The following PLIN5 variants were observed in gnomAD, a reference collection of about 807,000 sequenced individuals.
The protein encoded by PLIN5 is perilipin-5.
Under a neutral mutation model 32.8 loss-of-function variants are expected in PLIN5, and 34 were observed. That is an observed-to-expected ratio of 1.04 (90% confidence interval 0.79 to 1.38). The LOEUF is 1.38. Among genes scored for constraint, PLIN5 ranks in the 40% most tolerant of loss-of-function variants. PLIN5 has a pLI of 0.00. For synonymous variants in PLIN5, 309 were observed against 292.9 expected (o/e 1.05, Z -0.56); for missense variants, 712 against 660.5 (o/e 1.08, Z -0.85).
At chr19:4,530,630 G>C (rs940622966) in intron 3 of PLIN5, among the ~76,000 whole-genome samples, 2 of 152,078 alleles carry the variant, frequency 1.3e-5, no homozygotes, top group African/African-American at 4.8e-5. Context: ...AGAGAGGAGG[G>C]GCCCCACCAG....
chr19:4,529,711 ATCCCTCCC>A (rs750064598), intron 4 of PLIN5, 65 bp downstream of exon 4: 1 of 1,159,786 alleles, frequency 8.6e-7, no homozygotes, highest in Admixed American at 2.0e-5. Flanking sequence ...GGTTGTCACC[ATCCCTCCC>A]TCCCTCCCGC....
Position 4,525,714 on chromosome 19 carries a change from G to A in PLIN5, c.639C>T (p.Tyr213=), listed in dbSNP as rs755578583. Residue 213 remains tyrosine (Y), a synonymous_variant, in exon 6 of 8, where the codon TAC becomes TAT. Coordinates refer to ENST00000381848, the MANE Select transcript of PLIN5 (RefSeq NM_001013706.3). The surrounding 1 kb of genome is among the most constrained non-coding windows in gnomAD (Gnocchi z 5.6). ...SLSARIRHLA[Y]EHSVGKLRQS... ...GCCTCAGTTTCCCCACAGAGTGCTC[G>A]TAGGCCAGGTGGCGGATCCGTGCTG... is the stretch of plus-strand genomic sequence containing the variant. 2.9e-5 allele frequency: 46 copies of A among 1,613,612 alleles called. No homozygotes were observed. Among genetic ancestry groups the A allele is most frequent in the Middle Eastern group, 1.6e-4 (1 of 6,084 alleles).
Position 4,529,764 on chromosome 19 carries a change from T to C in PLIN5, c.339+20A>G, listed in dbSNP as rs1008202703. On this transcript the variant is annotated intron_variant, in intron 4 of 7. Coordinates refer to ENST00000381848, the MANE Select transcript of PLIN5 (RefSeq NM_001013706.3). ...GGCCTGCCCCCACTGGAGGTCCCCATGTCTAGTCGTCCGGGGTACCGTCTC... is the reference window on the plus strand; with the variant it reads ...GGCCTGCCCCCACTGGAGGTCCCCACGTCTAGTCGTCCGGGGTACCGTCTC... The C allele has an allele frequency of 2.6e-6, 4 of 1,550,008 alleles. No homozygotes were observed. Among genetic ancestry groups the C allele is most frequent in the Admixed American group, 1.7e-5 (1 of 58,542 alleles).
At chr19:4,534,136 A>C (rs1976920490) in intron 1 of PLIN5, 41 bp from the exon 2 acceptor site, 4 of 1,545,058 alleles carry the variant, frequency 2.6e-6, no homozygotes, top group Non-Finnish European at 3.5e-6. Flanking sequence ...CTGCCCAGGC[A>C]TCAGATCCTG....
At chr19:4,527,404 T>C (rs1017728858) in intron 5 of PLIN5, among the ~76,000 whole-genome samples, 1 of 151,504 alleles carries the variant, frequency 6.6e-6, no homozygotes, top group Admixed American at 6.6e-5. Context: ...CCAGATGTGG[T>C]GGTGTGCACC....
Position 4,529,562 on chromosome 19 carries a change from T to C in PLIN5, c.339+222A>G, listed in dbSNP as rs368137985. On this transcript the variant is annotated intron_variant, in intron 4 of 7. Coordinates refer to ENST00000381848, the MANE Select transcript of PLIN5 (RefSeq NM_001013706.3). ...CTTATACGTATATATACATATATAC[T>C]TATACGTATATATACATATATACAC... 1.7e-3 allele frequency: 803 copies of C among 478,280 alleles called. 3 individuals are homozygous for C. The African/African-American group carries it at 0.022, about 13-fold the overall frequency. The allele number at this position is 478,280 out of a possible 1,614,324, so 29.6% of individuals were successfully genotyped here. A position where few individuals can be genotyped will look rare whatever the true frequency, so the allele number is the denominator to read the frequency against.
chr19:4,525,604 C>A lies in PLIN5; in HGVS notation c.720+29G>T. On this transcript the variant is annotated intron_variant, in intron 6 of 7. Transcript: ENST00000381848. This position sits in a 1 kb window ranked among gnomAD's most constrained non-coding sequence, Gnocchi z 5.6. ...AATCCATACTGATTGGCCTGCATCC[C>A]GGAGCAGGGGCGGGCAGCGGGCTCT... 2 of 1,608,864 alleles carry A rather than the reference C, an allele frequency of 1.2e-6. No individual in the cohort carries two copies. The highest frequency in any genetic ancestry group is 1.7e-6 in the Non-Finnish European group (2 of 1,179,536).
chr19:4,527,381 A>T (rs762079925), intron 5 of PLIN5, among the ~76,000 whole-genome samples: 8 of 151,658 alleles, frequency 5.3e-5, no homozygotes, highest in South Asian at 2.1e-4. Flanking sequence ...CTAAAAAAAA[A>T]TTTTTAAATC....
chr19:4,534,267 G>A (rs11666660), intron 1 of PLIN5, 172 bp from the exon 2 acceptor site: 51,784 of 614,146 alleles, frequency 0.084, 3,982 homozygotes, highest in African/African-American at 0.31. Flanking sequence ...TGTACACAGA[G>A]GGTGTCCAAT....
At chr19:4,527,769 C>T (rs1438113273) in intron 5 of PLIN5, among the ~76,000 whole-genome samples, 2 of 151,344 alleles carry the variant, frequency 1.3e-5, no homozygotes, top group South Asian at 2.1e-4. Context: ...CGCTTGAACA[C>T]GGGAGGCAGA....
rs768465075 is a variant in PLIN5, at chr19:4,529,168, T to G, written c.425A>C (p.Glu142Ala). 10 of 1,613,020 alleles carry G rather than the reference T, an allele frequency of 6.2e-6. No homozygotes were observed. The South Asian group carries it at 1.1e-4, about 18-fold the overall frequency. ...LARRGRRWSV[E>A]LKRSVSHAVD... ...AGCATGGCTCACGGAGCGCTTCAGC[T>G]CCACGCTCCAGCGCCGGCCCCTCCG... Residue 142 changes from glutamate to alanine, a missense_variant, in exon 5 of 8, where the codon GAG (glutamate) becomes GCG (alanine). Transcript: ENST00000381848.
chr19:4,531,114 C>T (rs1976878651), intron 3 of PLIN5, among the ~76,000 whole-genome samples: 1 of 151,994 alleles, frequency 6.6e-6, no homozygotes, highest in Admixed American at 6.6e-5. Flanking sequence ...AATTCTCCTG[C>T]ATGAGCCTCC....
chr19:4,534,315 C>T, intron 1 of PLIN5: 1 of 571,312 alleles, frequency 1.8e-6, no homozygotes, highest in Non-Finnish European at 3.1e-6. Flanking sequence ...CGGAGTGACT[C>T]GAAGCATGGT....
chr19:4,529,634 C>T lies in PLIN5; in HGVS notation c.339+150G>A, dbSNP rs773677333. 6.4e-5 allele frequency: 38 copies of T among 592,256 alleles called. No individual in the cohort carries two copies. The African/African-American group carries it at 7.9e-4, about 12-fold the overall frequency. The allele number at this position is 592,256 out of a possible 1,614,324, so 36.7% of individuals were successfully genotyped here. ...ATACACACACACACACACACACACA[C>T]ACACACACACACACACGTTGCAGTT... On this transcript the variant is annotated intron_variant, in intron 4 of 7. Transcript: ENST00000381848.
chr19:4,525,204 C>T lies in PLIN5; in HGVS notation c.721-128G>A, dbSNP rs1275382786. ...GAGACCGAGGCAGGTTGTGCAGGGC[C>T]GTGGGGAAGACTTGGGCTTGGACCC... On this transcript the variant is annotated intron_variant, in intron 6 of 7. Coordinates refer to ENST00000381848, the MANE Select transcript of PLIN5 (RefSeq NM_001013706.3). This position sits in a 1 kb window ranked among gnomAD's most constrained non-coding sequence, Gnocchi z 5.6. 4.9e-6 allele frequency: 3 copies of T among 613,152 alleles called. No homozygotes were observed. Among genetic ancestry groups the T allele is most frequent in the Non-Finnish European group, 8.2e-6 (3 of 364,420 alleles). 38.0% of individuals were successfully genotyped at this position (613,152 alleles called of 1,614,324 possible).
rs774751242 is a variant in PLIN5, at chr19:4,529,419, G to GT, written c.340-167dup. On this transcript the variant is annotated intron_variant, in intron 4 of 7. Transcript: ENST00000381848. ...ATAAAACCCTTCCCTCACAGAGGGT[G>GT]TTGAGGGAGTTAACTGCCCTTACTA... The GT allele has an allele frequency of 1.7e-5, 12 of 699,110 alleles. No individual in the cohort carries two copies. In the South Asian group the frequency reaches 2.4e-4, roughly 14 times the overall value. 43.3% of individuals were successfully genotyped at this position (699,110 alleles called of 1,614,324 possible).
chr19:4,523,222 G>C lies in PLIN5; in HGVS notation c.*306C>G. The stretch of plus-strand genomic sequence containing the variant: ...TTACAGGCGTGAGCCACTGTGCCCA[G>C]CCTCTTGGAAAGATTTGGATTCGCT... On this transcript the variant is annotated 3_prime_UTR_variant, in exon 8 of 8. Transcript: ENST00000381848. This position sits in a 1 kb window ranked among gnomAD's most constrained non-coding sequence, Gnocchi z 5.0. The C allele has an allele frequency of 3.4e-6, 1 of 297,954 alleles. No homozygotes were observed. Among genetic ancestry groups the C allele is most frequent in the Non-Finnish European group, 6.2e-6 (1 of 161,672 alleles). The allele number at this position is 297,954 out of a possible 1,614,324, so 18.5% of individuals were successfully genotyped here.
chr19:4,529,712 T>TACCAACCAA, intron 4 of PLIN5, 72 bp downstream of exon 4: 1 of 1,118,818 alleles, frequency 8.9e-7, no homozygotes. Flanking sequence ...GTTGTCACCA[T>TACCAACCAA]CCCTCCCTCC....
chr19:4,531,513 T>C, intron 3 of PLIN5, 114 bp downstream of exon 3: 1 of 1,096,536 alleles, frequency 9.1e-7, no homozygotes, highest in Non-Finnish European at 1.2e-6. Context: ...GACAGGTGGC[T>C]AGGCTGAAGA....
Sources: allele counts gnomAD v4.1 joint callset (sites outside exome capture counted in the v4.1 genomes callset), GRCh38; gene constraint gnomAD v4.1.1; non-coding constraint Gnocchi (gnomAD v3.1); transcripts MANE v1.5; gene names NCBI Gene and HGNC (gene_info 2026-07-23, HGNC 2026-07-21).